KIF16B: variants seen among roughly 807,000 people sequenced by gnomAD.
The protein encoded by KIF16B is kinesin-like protein KIF16B.
A neutral mutation model predicts 156.3 loss-of-function variants in KIF16B; 98 were observed. The ratio of observed to expected loss-of-function variants is 0.63; its 90% CI spans 0.53 to 0.74. The LOEUF (loss-of-function observed/expected upper bound fraction) is 0.74. KIF16B is among the 30% of genes least tolerant of loss of function. The pLI is 0.00. For synonymous variants in KIF16B, 564 were observed against 583.7 expected (o/e 0.97, Z 0.49); for missense variants, 1,421 against 1,606.5 (o/e 0.88, Z 1.97).
intron 12 of KIF16B, among the ~76,000 whole-genome samples, chr20:16,458,492 A>G (rs766090487): frequency 6.6e-6 from 1 of 152,226 alleles, no homozygotes; most frequent in Non-Finnish European, 1.5e-5. Context: ...TCAATTTTTG[A>G]TTAATGATCT....
intron 1 of KIF16B, among the ~76,000 whole-genome samples, chr20:16,543,062 C>T (rs6044098): frequency 0.48 from 73,279 of 151,938 alleles, 17,983 homozygotes; most frequent in Non-Finnish European, 0.52. Flanking sequence ...AGCCCAAACC[C>T]GGACCTACCA....
chr20:16,561,704 G>A (rs2071070381), intron 1 of KIF16B, among the ~76,000 whole-genome samples: 1 of 152,108 alleles, frequency 6.6e-6, no homozygotes, highest in African/African-American at 2.4e-5. Context: ...AAGACATATT[G>A]ACATCACATA....
At position 16,277,883 on chromosome 20, in the gene KIF16B, C is replaced by T. The variant is rs564564655; in HGVS notation, c.3796-4472G>A. Among the ~76,000 whole-genome samples, 9 of 152,312 alleles carry T rather than the reference C, an allele frequency of 5.9e-5. No homozygotes were observed. The East Asian group carries it at 1.2e-3, about 20-fold the overall frequency. On this transcript the variant is annotated intron_variant, in intron 25 of 25. Transcript: ENST00000354981. ...AGCAGGCGTATTTAAATCTCTAGCA[C>T]GTCAGGGACCACAGAAGGCCTGCAG...
chr20:16,521,408 G>T (rs183588234), intron 3 of KIF16B, among the ~76,000 whole-genome samples: 63 of 151,878 alleles, frequency 4.1e-4, no homozygotes, highest in Non-Finnish European at 3.5e-4. Flanking sequence ...CCAAGCAGAA[G>T]AAAGGATATC....
At chr20:16,509,258 T>G (rs2068883015) in intron 6 of KIF16B, among the ~76,000 whole-genome samples, 1 of 152,250 alleles carries the variant, frequency 6.6e-6, no homozygotes, top group South Asian at 2.1e-4. Flanking sequence ...GTTGTTCATA[T>G]TTTGTTTCCA....
At chr20:16,485,556 C>T (rs1302656885) in intron 12 of KIF16B, among the ~76,000 whole-genome samples, 1 of 139,288 alleles carries the variant, frequency 7.2e-6, no homozygotes, top group Non-Finnish European at 1.6e-5. Flanking sequence ...TGGATAGTTA[C>T]AACACATGAA....
At chr20:16,438,770 T>C (rs1419513869) in intron 12 of KIF16B, among the ~76,000 whole-genome samples, 1 of 152,148 alleles carries the variant, frequency 6.6e-6, no homozygotes, top group East Asian at 1.9e-4. Context: ...AGGAAATGAC[T>C]TTTTTATTTT....
intron 19 of KIF16B, among the ~76,000 whole-genome samples, chr20:16,375,979 A>G (rs2064941301): frequency 6.6e-6 from 1 of 152,188 alleles, no homozygotes; most frequent in Non-Finnish European, 1.5e-5. Context: ...CAACTCTGCC[A>G]CTTTCTAACT....
chr20:16,418,735 G>C (rs186109817), intron 15 of KIF16B, among the ~76,000 whole-genome samples: 1 of 152,254 alleles, frequency 6.6e-6, no homozygotes, highest in East Asian at 1.9e-4. Context: ...AACTCATGTA[G>C]AGGCATAAGC....
intron 23 of KIF16B, among the ~76,000 whole-genome samples, chr20:16,355,707 A>C (rs1205301951): frequency 6.6e-6 from 1 of 152,228 alleles, no homozygotes; most frequent in African/African-American, 2.4e-5. Flanking sequence ...TGAAGTCATT[A>C]TTTAGAAAAC....
intron 2 of KIF16B, 95 bp downstream of exon 2, chr20:16,528,276 A>G (rs1172072504): frequency 2.1e-6 from 2 of 939,338 alleles, no homozygotes; most frequent in Non-Finnish European, 1.7e-6. Context: ...GAGGGTGTGG[A>G]AACAGCAGAC....
intron 25 of KIF16B, among the ~76,000 whole-genome samples, chr20:16,285,104 AATTTTACCTTG>A (rs1265875074): frequency 6.6e-6 from 1 of 152,174 alleles, no homozygotes; most frequent in African/African-American, 2.4e-5. Context: ...AAATTTTTAA[AATTTTACCTTG>A]ATTTTACCTT....
chr20:16,558,822 T>A (rs2070948718), intron 1 of KIF16B, among the ~76,000 whole-genome samples: 1 of 143,130 alleles, frequency 7.0e-6, no homozygotes, highest in South Asian at 2.2e-4. Flanking sequence ...AAGAATCGCC[T>A]GAACCTGAGA....
chr20:16,398,030 A>G (rs1187791740), intron 17 of KIF16B, among the ~76,000 whole-genome samples: 2 of 152,248 alleles, frequency 1.3e-5, no homozygotes, highest in Non-Finnish European at 2.9e-5. Flanking sequence ...AAATACACAA[A>G]CATCAAATGA....
intron 12 of KIF16B, among the ~76,000 whole-genome samples, chr20:16,460,007 A>G (rs903186686): frequency 1.3e-5 from 2 of 152,220 alleles, no homozygotes; most frequent in African/African-American, 4.8e-5. Flanking sequence ...GAAAATAAGG[A>G]GTATTACTGT....
chr20:16,558,074 G>A (rs1307191687), intron 1 of KIF16B, among the ~76,000 whole-genome samples: 1 of 152,156 alleles, frequency 6.6e-6, no homozygotes, highest in Non-Finnish European at 1.5e-5. Context: ...TGGAATAACT[G>A]AGAAAGCCCA....
At chr20:16,406,493 A>C (rs757056718) in intron 15 of KIF16B, 37 bp from the exon 16 acceptor site, 1 of 1,573,368 alleles carries the variant, frequency 6.4e-7, no homozygotes, top group African/African-American at 1.4e-5. Context: ...ATTTACAGTA[A>C]GCAGTCTGGT....
intron 23 of KIF16B, among the ~76,000 whole-genome samples, chr20:16,355,711 A>G (rs917412226): frequency 1.8e-4 from 28 of 152,372 alleles, no homozygotes; most frequent in African/African-American, 6.7e-4. Flanking sequence ...GTCATTATTT[A>G]GAAAACCATG....
chr20:16,427,530 C>T (rs146853591), intron 14 of KIF16B, among the ~76,000 whole-genome samples: 187 of 152,164 alleles, frequency 1.2e-3, no homozygotes, highest in African/African-American at 4.0e-3. Flanking sequence ...GGGGAGAAAA[C>T]AGTCGAGTAA....
Sources: allele counts gnomAD v4.1 joint callset (sites outside exome capture counted in the v4.1 genomes callset), GRCh38; gene constraint gnomAD v4.1.1; transcripts MANE v1.5; gene names NCBI Gene and HGNC (gene_info 2026-07-23, HGNC 2026-07-21).